MS4A18: variants seen among roughly 807,000 people sequenced by gnomAD.
MS4A18 encodes membrane-spanning 4-domains subfamily A member 18.
Under a neutral mutation model 13.1 loss-of-function variants are expected in MS4A18, and 27 were observed. The ratio of observed to expected loss-of-function variants is 2.06; its 90% CI spans 1.52 to 2.84. MS4A18 has a LOEUF of 2.84. MS4A18 is among the 30% of genes most tolerant of loss of function. The pLI, the probability that MS4A18 is intolerant of heterozygous loss-of-function variation, is 0.00. For synonymous variants in MS4A18, 126 were observed against 76.5 expected (o/e 1.65, Z -3.38); for missense variants, 307 against 196.4 (o/e 1.56, Z -3.37).
chr11:60,735,419 C>T (rs1853320737), intron 2 of MS4A18, among the ~76,000 whole-genome samples: 1 of 150,338 alleles, frequency 6.7e-6, no homozygotes, highest in African/African-American at 2.4e-5. Context: ...CTGCAAGCTC[C>T]GCCTCCCGGG....
At chr11:60,741,171 C>G in intron 5 of MS4A18, 28 bp downstream of exon 6, 1 of 702,972 alleles carries the variant, frequency 1.4e-6, no homozygotes, top group Non-Finnish European at 2.6e-6. Flanking sequence ...TTCCAGGAAT[C>G]AGATCATGCT....
At chr11:60,727,932 T>TC (rs565225490), upstream of MS4A18, among the ~76,000 whole-genome samples, 64 of 152,198 alleles carry the variant, frequency 4.2e-4, no homozygotes, top group South Asian at 3.3e-3. Flanking sequence ...ATCCCAGGTC[T>TC]CCCCCCAAGT....
At chr11:60,725,216 C>T (rs7949620), upstream of MS4A18, among the ~76,000 whole-genome samples, 5,864 of 152,114 alleles carry the variant, frequency 0.039, 356 homozygotes, top group African/African-American at 0.13. Context: ...CTTTTTGAGA[C>T]GGAGTCTCGC....
intron 5 of MS4A18, among the ~76,000 whole-genome samples, chr11:60,743,175 A>G (rs918430801): frequency 6.6e-6 from 1 of 152,206 alleles, no homozygotes; most frequent in African/African-American, 2.4e-5. Flanking sequence ...CCCCATATCA[A>G]ACAACCCCAA....
intron 2 of MS4A18, among the ~76,000 whole-genome samples, 158 bp downstream of exon 3, chr11:60,733,805 C>T (rs1374313838): frequency 6.6e-6 from 1 of 152,100 alleles, no homozygotes. Context: ...TATATCAACT[C>T]CCTGCCCCAG....
At chr11:60,728,396 GTGTA>G (rs35403173), upstream of MS4A18, among the ~76,000 whole-genome samples, 1,273 of 149,308 alleles carry the variant, frequency 8.5e-3, 21 homozygotes, top group African/African-American at 0.03. Context: ...GTGTGTATGT[GTGTA>G]TGTATGTGTG....
At chr11:60,740,468 G>A (rs975784055) in intron 4 of MS4A18, among the ~76,000 whole-genome samples, 1 of 152,160 alleles carries the variant, frequency 6.6e-6, no homozygotes, top group African/African-American at 2.4e-5. Flanking sequence ...ACTGGAAGAG[G>A]GCTGAGAAAG....
At chr11:60,744,331 G>T (rs1434722506), downstream of MS4A18, 1 of 284,528 alleles carries the variant, frequency 3.5e-6, no homozygotes, top group Non-Finnish European at 6.7e-6. Flanking sequence ...TGGAATTCTT[G>T]TAGGTCCAAC....
intron 1 of MS4A18, among the ~76,000 whole-genome samples, chr11:60,729,993 G>T (rs113855847): frequency 2.2e-3 from 330 of 152,200 alleles, no homozygotes; most frequent in African/African-American, 7.5e-3. Flanking sequence ...GAGACCCATG[G>T]TTTGGGGGAT....
At chr11:60,739,347 C>G (rs967296309) in intron 4 of MS4A18, among the ~76,000 whole-genome samples, 3 of 152,084 alleles carry the variant, frequency 2.0e-5, no homozygotes, top group Non-Finnish European at 2.9e-5. Context: ...CGAGGGATAG[C>G]CTTTCACACA....
In MS4A18 at chr11:60,729,637, C is replaced by T. The variant is rs1360203234; in HGVS notation, c.322C>T (p.Gln108Ter). 2 of 702,682 alleles carry T rather than the reference C, an allele frequency of 2.8e-6. No homozygotes were observed. Among genetic ancestry groups the T allele is most frequent in the African/African-American group, 3.5e-5 (2 of 57,252 alleles). The allele number at this position is 702,682 out of a possible 1,614,324, so 43.5% of individuals were successfully genotyped here. A position where few individuals can be genotyped will look rare whatever the true frequency, so the allele number is the denominator to read the frequency against. ...ATACACACAGGGAACCACGAATCTC[C>T]AGACATGGCCTGGAGACCTTCAGAA... The change falls in exon 1 of 6, where the codon CAG becomes TAG. Residue 108 changes from glutamine (Q) to a stop codon, truncating the protein, a stop_gained. Transcript: ENST00000529108. LOFTEE classifies it high-confidence loss of function.
upstream of MS4A18, among the ~76,000 whole-genome samples, chr11:60,727,103 A>G (rs1473800797): frequency 1.3e-5 from 2 of 151,986 alleles, no homozygotes; most frequent in Non-Finnish European, 2.9e-5. Flanking sequence ...ATTCTTTTTT[A>G]TGGCTGCATA....
chr11:60,741,484 T>C (rs1055821371), intron 5 of MS4A18, among the ~76,000 whole-genome samples: 3 of 152,126 alleles, frequency 2.0e-5, no homozygotes, highest in Non-Finnish European at 4.4e-5. Context: ...TACGCCCACC[T>C]GAGCTTCTTT....
In MS4A18 at chr11:60,729,884, G is replaced by C. The variant is rs1853228137; in HGVS notation, c.477+92G>C. The C allele has an allele frequency of 6.5e-6, 4 of 616,028 alleles. No homozygotes were observed. The East Asian group carries it at 1.1e-4, about 17-fold the overall frequency. 38.2% of individuals were successfully genotyped at this position (616,028 alleles called of 1,614,324 possible). A position where few individuals can be genotyped will look rare whatever the true frequency, so the allele number is the denominator to read the frequency against. On this transcript the variant is annotated intron_variant, in intron 1 of 5. Transcript: ENST00000529108. Reference sequence around the variant, plus strand: ...AGGGAATGTGTTGAGAGGGTAAAGGGGAGGTGGAGTGGGTGTGGGGGGCAG... The same window carrying C: ...AGGGAATGTGTTGAGAGGGTAAAGGCGAGGTGGAGTGGGTGTGGGGGGCAG...
At chr11:60,740,012 C>T (rs1173109399) in intron 4 of MS4A18, among the ~76,000 whole-genome samples, 1 of 152,224 alleles carries the variant, frequency 6.6e-6, no homozygotes, top group Non-Finnish European at 1.5e-5. Flanking sequence ...AAGCCTGATG[C>T]ACAGGGTGTA....
intron 1 of MS4A18, among the ~76,000 whole-genome samples, chr11:60,732,666 G>A (rs1388644276): frequency 1.3e-5 from 2 of 148,884 alleles, no homozygotes; most frequent in East Asian, 4.0e-4. Context: ...GGGAGGCACA[G>A]CTTGCAGTGA....
intron 1 of MS4A18, among the ~76,000 whole-genome samples, chr11:60,730,210 C>T (rs1304305318): frequency 6.6e-6 from 1 of 152,228 alleles, no homozygotes; most frequent in Non-Finnish European, 1.5e-5. Flanking sequence ...GAAGATTCAG[C>T]TTTCTTAAAT....
upstream of MS4A18, among the ~76,000 whole-genome samples, chr11:60,725,497 C>T (rs887416769): frequency 3.3e-5 from 5 of 152,112 alleles, no homozygotes; most frequent in African/African-American, 1.2e-4. Context: ...TTGTTCCTGA[C>T]ATTTTCCTGA....
chr11:60,736,951 CTTT>C (rs751418835), intron 2 of MS4A18, 24 bp from the exon 4 acceptor site: 2,628 of 614,126 alleles, frequency 4.3e-3, no homozygotes, highest in Admixed American at 7.0e-3. Context: ...ATTGGTCATT[CTTT>C]TTTTTTTTTT....
Sources: allele counts gnomAD v4.1 joint callset (sites outside exome capture counted in the v4.1 genomes callset), GRCh38; gene constraint gnomAD v4.1.1; transcripts MANE v1.5; gene names NCBI Gene and HGNC (gene_info 2026-07-23, HGNC 2026-07-21).